SULT1A1: variants seen among roughly 807,000 people sequenced by gnomAD.
SULT1A1 encodes sulfotransferase family 1A member 1, also known as sulfotransferase 1A1.
A neutral mutation model predicts 36.8 loss-of-function variants in SULT1A1; 35 were observed. The ratio of observed to expected loss-of-function variants is 0.95; its 90% CI spans 0.73 to 1.26. SULT1A1 has a LOEUF of 1.26. SULT1A1 is among the 50% of genes most tolerant of loss of function. The pLI is 0.00. For missense variants in SULT1A1, 309 were observed against 383.0 expected (o/e 0.81, Z 1.61); for synonymous variants, 119 against 146.0 (o/e 0.82, Z 1.33).
At chr16:28,610,290 T>TTTTTTC, upstream of SULT1A1, 6 of 1,046,560 alleles carry the variant, frequency 5.7e-6, no homozygotes, top group African/African-American at 1.8e-5. Flanking sequence ...TTTTTTTTTT[T>TTTTTTC]CCGAGCTGTC....
At position 28,606,147 on chromosome 16, in the gene SULT1A1, C is replaced by T. The variant is rs147792796; in HGVS notation, c.684G>A (p.Ser228=). 6.8e-5 allele frequency: 110 copies of T among 1,611,448 alleles called. No individual in the cohort carries two copies. In the African/African-American group the frequency reaches 7.1e-4, roughly 10 times the overall value. The change falls in exon 7 of 8, where the codon TCG becomes TCA. Residue 228 remains serine (S), a synonymous_variant. Coordinates refer to ENST00000314752, the MANE Select transcript of SULT1A1 (RefSeq NM_001055.4). ...ETVDFVVQHT[S]FKEMKKNPMT... is the part of the protein sequence containing the mutation. ...TAGGGTTCTTCTTCATCTCCTTGAA[C>T]GACGTGTGCTGAACCACGAAGTCCA...
rs1467936089 is a variant in SULT1A1, at chr16:28,605,922, C to G, written c.787G>C (p.Asp263His). 1 of 1,607,038 alleles carries G rather than the reference C, an allele frequency of 6.2e-7. No individual in the cohort carries two copies. The highest frequency in any genetic ancestry group is 8.5e-7 in the Non-Finnish European group (1 of 1,175,974). Residue 263 changes from aspartate to histidine, a missense_variant, in exon 8 of 8, where the codon GAC (aspartate) becomes CAC (histidine). This residue lies in a region of SULT1A1 where 67 missense variants were observed against 122.0 expected (regional missense o/e 0.55). Transcript: ENST00000314752. ...SPFMRKGMAG[D>H]WKTTFTVAQN... ...GCCACGGTGAAGGTGGTCTTCCAGT[C>G]CCCAGCCATGCCTGGGGGAGGAAGG...
chr16:28,607,363 A>C, intron 4 of SULT1A1: 4 of 472,146 alleles, frequency 8.5e-6, no homozygotes, highest in East Asian at 4.4e-5. Context: ...CCGCCACCAA[A>C]TTTTGTGGGC....
At chr16:28,622,918 C>T (rs1235856047) in intron 1 of SULT1A1, among the ~76,000 whole-genome samples, 7 of 152,146 alleles carry the variant, frequency 4.6e-5, no homozygotes, top group Admixed American at 4.6e-4. Context: ...CCAGCCAGTG[C>T]CTCCTGCAAC....
chr16:28,620,880 G>A (rs1441256975), intron 1 of SULT1A1, among the ~76,000 whole-genome samples: 2 of 152,014 alleles, frequency 1.3e-5, no homozygotes, highest in Non-Finnish European at 2.9e-5. Context: ...GGAAGTTGAG[G>A]CGAGCGGATC....
chr16:28,617,567 G>A (rs1386138057), intron 2 of SULT1A1, among the ~76,000 whole-genome samples: 6 of 151,526 alleles, frequency 4.0e-5, no homozygotes, highest in South Asian at 4.2e-4. Context: ...TTTTGTGACG[G>A]AGTCTCCCTC....
chr16:28,620,838 C>T (rs1462032488), intron 1 of SULT1A1, among the ~76,000 whole-genome samples: 1 of 152,124 alleles, frequency 6.6e-6, no homozygotes. Flanking sequence ...GGGCTGGGCA[C>T]GGTGGCTCAT....
At chr16:28,623,323 C>G in exon 1 of SULT1A1, 2 of 1,521,364 alleles carry the variant, frequency 1.3e-6, no homozygotes, top group East Asian at 4.9e-5. Context: ...GCCTAGCGGC[C>G]CTGCAGCCGT....
At chr16:28,618,245 G>A (rs528960199) in intron 2 of SULT1A1, among the ~76,000 whole-genome samples, 6 of 150,918 alleles carry the variant, frequency 4.0e-5, no homozygotes, top group African/African-American at 1.2e-4. Context: ...ACTGTGTTGC[G>A]CAGGCTGGTC....
intron 4 of SULT1A1, chr16:28,607,335 C>A: frequency 1.6e-6 from 1 of 615,264 alleles, no homozygotes; most frequent in Non-Finnish European, 2.6e-6. Flanking sequence ...AAGGCATGCT[C>A]CACCAGCCGT....
In SULT1A1 at chr16:28,620,978, C is replaced by T. The variant is rs187333890; in HGVS notation, c.68-845G>A. On this transcript the variant is annotated intron_variant, in intron 1 of 5. Transcript: ENST00000350842. ...ATACAAAATTAGCTGGGTGTGGTGG[C>T]GCATGCCTGTAATCCCAGCTTCTCG... Among the ~76,000 whole-genome samples the T allele has an allele frequency of 2.3e-3, 352 of 151,988 alleles. 2 individuals carry two copies. The highest frequency in any genetic ancestry group is 2.9e-3 in the Non-Finnish European group (197 of 67,994).
At position 28,615,157 on chromosome 16, in the gene SULT1A1, C is replaced by T. The variant is rs553638873; in HGVS notation, c.138+4906G>A. On this transcript the variant is annotated intron_variant, in intron 2 of 5. Transcript: ENST00000350842. ...CAGGGCTGCTCTCTGGTCACTGCAC[C>T]TGCCTGGGCTGCCACTCTGCTTCTC... is the stretch of plus-strand genomic sequence containing the variant. Among the ~76,000 whole-genome samples the T allele has an allele frequency of 1.6e-4, 17 of 106,750 alleles. No homozygotes were observed. In the East Asian group the frequency reaches 3.2e-3, roughly 20 times the overall value. The allele number at this position is 106,750 out of a possible 152,430, so 70.0% of individuals were successfully genotyped here.
At chr16:28,620,151 A>C (rs1194516480) in intron 1 of SULT1A1, 1 of 1,610,586 alleles carries the variant, frequency 6.2e-7, no homozygotes. Context: ...CAAAAACACC[A>C]AAAGAATTTT....
At chr16:28,615,824 C>A (rs1669745132) in intron 2 of SULT1A1, among the ~76,000 whole-genome samples, 1 of 152,236 alleles carries the variant, frequency 6.6e-6, no homozygotes, top group African/African-American at 2.4e-5. Context: ...CCCTTCCCTG[C>A]CTGGCAGCCG....
intron 7 of SULT1A1, 53 bp from the exon 8 acceptor site, chr16:28,605,986 C>T (rs1450106925): frequency 3.7e-6 from 6 of 1,603,266 alleles, no homozygotes; most frequent in Middle Eastern, 2.3e-4. Context: ...GGGGAGGCCC[C>T]AAGTGCCTAT....
At chr16:28,606,371 C>CCGGG in intron 6 of SULT1A1, 135 bp from the exon 7 acceptor site, 1 of 1,482,406 alleles carries the variant, frequency 6.7e-7, no homozygotes, top group Non-Finnish European at 9.2e-7. Context: ...CCTCAACCCC[C>CCGGG]AGGGCCCCAG....
At chr16:28,616,508 G>A (rs1177196347) in intron 2 of SULT1A1, among the ~76,000 whole-genome samples, 1 of 151,998 alleles carries the variant, frequency 6.6e-6, no homozygotes, top group Non-Finnish European at 1.5e-5. Flanking sequence ...GGCTGGTCTC[G>A]AACTCCTGAC....
chr16:28,623,111 T>A (rs368392998), intron 1 of SULT1A1: 19,634 of 859,196 alleles, frequency 0.023, 274 homozygotes, highest in Non-Finnish European at 0.025. Context: ...ACCCCCCAGG[T>A]TCCCCCCCCG....
intron 1 of SULT1A1, among the ~76,000 whole-genome samples, chr16:28,621,064 C>T (rs573711738): frequency 6.7e-4 from 101 of 151,646 alleles, no homozygotes; most frequent in Non-Finnish European, 1.4e-3. Flanking sequence ...GAGCTGAGAT[C>T]GGGCCAATGC....
Sources: gnomAD v4.1 joint callset for allele counts (sites outside exome capture counted in the v4.1 genomes callset) on GRCh38, gnomAD v4.1.1 for gene constraint, gnomAD v4.1.1 regional missense constraint, MANE v1.5 for transcripts, NCBI Gene and HGNC (gene_info 2026-07-23, HGNC 2026-07-21) for gene names.